The following FOXP1 variants were observed in gnomAD, a reference collection of about 807,000 sequenced individuals.
FOXP1 encodes forkhead box protein P1.
In FOXP1, 15 loss-of-function variants were observed where a neutral mutation model predicts 98.2. The ratio of observed to expected loss-of-function variants is 0.15; its 90% confidence interval spans 0.10 to 0.24. The LOEUF is 0.24. Among genes scored for constraint, FOXP1 ranks in the 10% least tolerant of loss-of-function variants. The pLI is 1.00. For synonymous variants in FOXP1, 371 were observed against 314.5 expected (o/e 1.18, Z -1.90); for missense variants, 633 against 848.5 (o/e 0.75, Z 3.15).
chr3:71,396,822 T>C (rs550181848), intron 3 of FOXP1, among the ~76,000 whole-genome samples: 51 of 148,290 alleles, frequency 3.4e-4, no homozygotes, highest in Non-Finnish European at 5.9e-4. Flanking sequence ...TGATTCTAAG[T>C]GTTTTATTTC....
chr3:71,276,204 A>G (rs947879995), intron 5 of FOXP1: 4 of 152,272 alleles, frequency 2.6e-5, no homozygotes, highest in African/African-American at 9.6e-5. Flanking sequence ...TTTCTAAGCT[A>G]TAGGGTTACT....
chr3:71,412,192 G>C (rs906608152), intron 3 of FOXP1, among the ~76,000 whole-genome samples: 1 of 150,568 alleles, frequency 6.6e-6, no homozygotes, highest in Non-Finnish European at 1.5e-5. Context: ...GGGATCTAGA[G>C]ACACCTAGAC....
chr3:71,176,236 T>G (rs1264332797), intron 6 of FOXP1, among the ~76,000 whole-genome samples: 1 of 152,178 alleles, frequency 6.6e-6, no homozygotes, highest in Non-Finnish European at 1.5e-5. Flanking sequence ...GTCTACAGTT[T>G]AAGTCTTCGG....
intron 6 of FOXP1, among the ~76,000 whole-genome samples, chr3:71,186,147 G>T (rs2062630739): frequency 6.6e-6 from 1 of 152,186 alleles, no homozygotes; most frequent in Admixed American, 6.5e-5. Context: ...ATAGGACTAT[G>T]AACATAAGAT....
At chr3:71,070,531 A>G (rs2053089327) in intron 7 of FOXP1, among the ~76,000 whole-genome samples, 1 of 151,818 alleles carries the variant, frequency 6.6e-6, no homozygotes, top group Non-Finnish European at 1.5e-5. Context: ...AGAAAAAGCA[A>G]AAGAAGAGTA....
intron 4 of FOXP1, among the ~76,000 whole-genome samples, chr3:71,343,123 C>A (rs1158750907): frequency 6.6e-6 from 1 of 152,214 alleles, no homozygotes; most frequent in Non-Finnish European, 1.5e-5. Context: ...AACAAAACTT[C>A]TGGGATTTCC....
chr3:71,579,616 CTT>C (rs1334760147), intron 2 of FOXP1, among the ~76,000 whole-genome samples: 6 of 134,206 alleles, frequency 4.5e-5, no homozygotes, highest in African/African-American at 8.4e-5. Context: ...TTTTTTTTTT[CTT>C]TTTTTTCTTT....
intron 14 of FOXP1, among the ~76,000 whole-genome samples, chr3:70,981,640 CTAAT>C (rs1021823063): frequency 1.3e-5 from 2 of 152,138 alleles, no homozygotes; most frequent in Non-Finnish European, 1.5e-5. Flanking sequence ...ATGAGGTAAA[CTAAT>C]TAAAAGACAG....
intron 7 of FOXP1, among the ~76,000 whole-genome samples, chr3:71,069,155 C>T (rs1290092225): frequency 2.0e-5 from 3 of 152,232 alleles, no homozygotes; most frequent in Non-Finnish European, 4.4e-5. Flanking sequence ...TGAGTTCTCA[C>T]TGTTCCATAG....
chr3:71,496,387 G>T (rs1356129593), intron 2 of FOXP1, among the ~76,000 whole-genome samples: 1 of 152,196 alleles, frequency 6.6e-6, no homozygotes, highest in East Asian at 1.9e-4. Context: ...ATACTCGAAG[G>T]CTTGGGGGTG....
intron 5 of FOXP1, among the ~76,000 whole-genome samples, chr3:71,285,627 G>T (rs374647146): frequency 6.6e-6 from 1 of 152,166 alleles, no homozygotes; most frequent in African/African-American, 2.4e-5. Flanking sequence ...TTAAATCCGA[G>T]AAAGGGTCAT....
intron 2 of FOXP1, among the ~76,000 whole-genome samples, chr3:71,498,943 A>G (rs574254837): frequency 1.3e-5 from 2 of 152,276 alleles, no homozygotes; most frequent in Admixed American, 1.3e-4. Flanking sequence ...AGATCTAGGA[A>G]GGAGTTCATT....
In FOXP1 at chr3:71,129,089, C is replaced by T. The variant is rs190217171; in HGVS notation, c.181-16452G>A. On this transcript the variant is annotated intron_variant, in intron 6 of 20. Transcript: ENST00000649528. Reference sequence around the variant, plus strand: ...TGCCATCCAGAAAAAACAAAACGAGCGAGCTGGGAAATTTGATGGTCATCA... The same window carrying T: ...TGCCATCCAGAAAAAACAAAACGAGTGAGCTGGGAAATTTGATGGTCATCA... Among the ~76,000 whole-genome samples the T allele has an allele frequency of 2.6e-3, 397 of 152,154 alleles. 6 individuals carry two copies. The highest frequency in any genetic ancestry group is 7.2e-4 in the Non-Finnish European group (49 of 68,000).
intron 5 of FOXP1, among the ~76,000 whole-genome samples, chr3:71,236,528 G>A (rs1237468738): frequency 5.9e-5 from 9 of 152,190 alleles, no homozygotes; most frequent in Admixed American, 5.9e-4. Flanking sequence ...GAGAGCCACA[G>A]AGGCAAGCCA....
chr3:71,165,752 C>T (rs2108176910), intron 6 of FOXP1, among the ~76,000 whole-genome samples: 1 of 152,302 alleles, frequency 6.6e-6, no homozygotes, highest in East Asian at 1.9e-4. Context: ...CACCCAGAGG[C>T]ATCCGAGACA....
At chr3:71,415,194 T>C (rs2083115664) in intron 3 of FOXP1, among the ~76,000 whole-genome samples, 1 of 152,230 alleles carries the variant, frequency 6.6e-6, no homozygotes, top group Non-Finnish European at 1.5e-5. Flanking sequence ...GACACGTGTC[T>C]GTATCAGACG....
chr3:71,205,119 TG>T (rs2063939317), intron 5 of FOXP1, among the ~76,000 whole-genome samples: 1 of 152,144 alleles, frequency 6.6e-6, no homozygotes. Flanking sequence ...CCACAGTAAA[TG>T]GGAGGTAAGC....
chr3:71,187,972 C>T (rs911642381), intron 6 of FOXP1, among the ~76,000 whole-genome samples: 7 of 152,102 alleles, frequency 4.6e-5, no homozygotes, highest in Non-Finnish European at 8.8e-5. Context: ...ATACAGGAGG[C>T]TATAAAGAGA....
At chr3:71,239,629 C>A (rs374916797) in intron 5 of FOXP1, among the ~76,000 whole-genome samples, 1 of 152,144 alleles carries the variant, frequency 6.6e-6, no homozygotes, top group East Asian at 1.9e-4. Context: ...GGAATTATAG[C>A]CATAGTACAA....
Sources: gnomAD v4.1 joint callset for allele counts (sites outside exome capture counted in the v4.1 genomes callset) on GRCh38, gnomAD v4.1.1 for gene constraint, MANE v1.5 for transcripts, NCBI Gene and HGNC (gene_info 2026-07-23, HGNC 2026-07-21) for gene names.